Variants in CRPPA observed in about 807,000 individuals in gnomAD.
The protein encoded by CRPPA is CDP-L-ribitol pyrophosphorylase A.
In CRPPA, 43 loss-of-function variants were observed where a neutral mutation model predicts 52.0. The ratio of observed to expected loss-of-function variants is 0.83; its 90% CI spans 0.65 to 1.07. The LOEUF is 1.07. Among genes scored for constraint, CRPPA ranks in the 50% least tolerant of loss-of-function variants. The pLI is 0.00. For synonymous variants in CRPPA, 250 were observed against 203.5 expected (o/e 1.23, Z -1.94); for missense variants, 629 against 551.7 (o/e 1.14, Z -1.40).
Position 16,275,787 on chromosome 7 carries a change from A to G in CRPPA, c.933+2342T>C, listed in dbSNP as rs572992825. The stretch of plus-strand genomic sequence containing the variant: ...GCCAAGGCCAAGGCTGCAATGAGCC[A>G]TGATAGTACCAAGACCCTGTCTCGG... On this transcript the variant is annotated intron_variant, in intron 6 of 9. Coordinates refer to ENST00000407010, the MANE Select transcript of CRPPA (RefSeq NM_001101426.4). Among the ~76,000 whole-genome samples, 65 of 152,208 alleles carry G rather than the reference A, an allele frequency of 4.3e-4. 1 individual carries two copies. Among genetic ancestry groups the G allele is most frequent in the South Asian group, 2.1e-3 (10 of 4,812 alleles).
At chr7:16,173,846 A>G (rs1781241724) in intron 9 of CRPPA, among the ~76,000 whole-genome samples, 1 of 152,228 alleles carries the variant, frequency 6.6e-6, no homozygotes, top group African/African-American at 2.4e-5. Flanking sequence ...CTGTGCTTGT[A>G]TATTTAATAT....
At chr7:16,243,094 A>G (rs1310428628) in intron 8 of CRPPA, among the ~76,000 whole-genome samples, 1 of 152,150 alleles carries the variant, frequency 6.6e-6, no homozygotes, top group Non-Finnish European at 1.5e-5. Context: ...TGATGTGTCA[A>G]GGGAGGGAGG....
At chr7:16,287,401 A>G (rs1229036557) in intron 5 of CRPPA, among the ~76,000 whole-genome samples, 1 of 152,176 alleles carries the variant, frequency 6.6e-6, no homozygotes, top group Non-Finnish European at 1.5e-5. Context: ...AAGCTTTGGA[A>G]CACAGTACCA....
intron 2 of CRPPA, among the ~76,000 whole-genome samples, chr7:16,389,928 A>AAAAAAAAAAAAAAAAATATATATAT: frequency 6.7e-5 from 2 of 29,760 alleles, no homozygotes; most frequent in Non-Finnish European, 1.1e-4. Flanking sequence ...AAAAAAAAAA[A>AAAAAAAAAAAAAAAAATATATATAT]ATATATATAT....
Position 16,091,688 on chromosome 7 carries a change from G to A in CRPPA, c.*7C>T, listed in dbSNP as rs371204159. The A allele has an allele frequency of 1.3e-6, 2 of 1,485,022 alleles. No individual in the cohort carries two copies. The highest frequency in any genetic ancestry group is 4.2e-5 in the Admixed American group (2 of 47,832). The allele number at this position is 1,485,022 out of a possible 1,614,324, so 92.0% of individuals were successfully genotyped here. On this transcript the variant is annotated 3_prime_UTR_variant, in exon 10 of 10. Transcript: ENST00000407010. ...TGTTTTAGAAAATAGGTAATTTTTT[G>A]TGTTCTTCATGCTATCAGAAGCTGA...
intron 9 of CRPPA, among the ~76,000 whole-genome samples, chr7:16,100,684 C>A (rs1056147228): frequency 7.9e-5 from 12 of 152,284 alleles, no homozygotes; most frequent in Admixed American, 2.0e-4. Context: ...ACTTCCAATA[C>A]TATGTTGAAT....
intron 8 of CRPPA, among the ~76,000 whole-genome samples, chr7:16,233,348 C>G (rs1309506037): frequency 6.6e-6 from 1 of 151,816 alleles, no homozygotes; most frequent in Non-Finnish European, 1.5e-5. Context: ...AGTATGCACG[C>G]AAAAAAGAAA....
At chr7:16,200,625 A>G (rs1409852120) in intron 9 of CRPPA, among the ~76,000 whole-genome samples, 1 of 152,240 alleles carries the variant, frequency 6.6e-6, no homozygotes, top group East Asian at 1.9e-4. Context: ...TAATGTTTTA[A>G]TATTTTTTAC....
intron 3 of CRPPA, among the ~76,000 whole-genome samples, chr7:16,339,463 T>C (rs1785768294): frequency 6.6e-6 from 1 of 152,158 alleles, no homozygotes; most frequent in Admixed American, 6.5e-5. Flanking sequence ...ATCATATCAA[T>C]AGATGGAGAA....
intron 2 of CRPPA, among the ~76,000 whole-genome samples, chr7:16,391,952 GGTCAA>G (rs1787457182): frequency 6.6e-6 from 1 of 152,020 alleles, no homozygotes; most frequent in Non-Finnish European, 1.5e-5. Context: ...TTCAAGATGA[GGTCAA>G]ACCAAATCCC....
chr7:16,177,294 G>T (rs1196744482), intron 9 of CRPPA, among the ~76,000 whole-genome samples: 1 of 151,972 alleles, frequency 6.6e-6, no homozygotes, highest in Non-Finnish European at 1.5e-5. Context: ...ATTATTATAT[G>T]TGAGTTTTAA....
chr7:16,244,030 AC>A (rs1396215672), intron 8 of CRPPA, among the ~76,000 whole-genome samples: 1 of 152,206 alleles, frequency 6.6e-6, no homozygotes, highest in Non-Finnish European at 1.5e-5. Context: ...TATAATGTCT[AC>A]AAGATTATAC....
intron 6 of CRPPA, among the ~76,000 whole-genome samples, chr7:16,274,993 T>G (rs1479410592): frequency 6.6e-6 from 1 of 152,094 alleles, no homozygotes; most frequent in Non-Finnish European, 1.5e-5. Flanking sequence ...CGAGAATCAT[T>G]TGAACCTGGG....
intron 1 of CRPPA, among the ~76,000 whole-genome samples, chr7:16,410,662 C>T (rs577478610): frequency 1.3e-5 from 2 of 152,256 alleles, no homozygotes; most frequent in South Asian, 2.1e-4. Flanking sequence ...AAGACCTGAC[C>T]TCAGCCTACT....
chr7:16,183,416 G>A (rs1358826448), intron 9 of CRPPA, among the ~76,000 whole-genome samples: 2 of 152,172 alleles, frequency 1.3e-5, no homozygotes, highest in East Asian at 3.9e-4. Flanking sequence ...GAGCCACACA[G>A]TTATCAGCTC....
intron 9 of CRPPA, among the ~76,000 whole-genome samples, chr7:16,119,511 A>G (rs1782442158): frequency 6.6e-6 from 1 of 152,236 alleles, no homozygotes; most frequent in Admixed American, 6.5e-5. Flanking sequence ...CAATAAATGT[A>G]AACAGACAAA....
intron 1 of CRPPA, among the ~76,000 whole-genome samples, chr7:16,414,875 T>G (rs1345384225): frequency 6.6e-6 from 1 of 152,332 alleles, no homozygotes; most frequent in African/African-American, 2.4e-5. Context: ...GTAATAGCCA[T>G]ATGCACAATT....
At chr7:16,265,839 CAT>C (rs1421407969) in intron 6 of CRPPA, among the ~76,000 whole-genome samples, 1 of 152,176 alleles carries the variant, frequency 6.6e-6, no homozygotes, top group African/African-American at 2.4e-5. Flanking sequence ...TCATCATCCT[CAT>C]GTTATAGATA....
chr7:16,221,412 C>A (rs367912983), intron 8 of CRPPA, among the ~76,000 whole-genome samples: 22 of 152,206 alleles, frequency 1.4e-4, no homozygotes, highest in East Asian at 3.9e-4. Context: ...AAAACACCAA[C>A]AGCAATGGCA....
Sources: gnomAD v4.1 joint callset for allele counts (sites outside exome capture counted in the v4.1 genomes callset) on GRCh38, gnomAD v4.1.1 for gene constraint, MANE v1.5 for transcripts, NCBI Gene and HGNC (gene_info 2026-07-23, HGNC 2026-07-21) for gene names.